Variants in CNTN5 observed in about 807,000 individuals in gnomAD.
The protein encoded by CNTN5 is contactin-5.
In CNTN5, 77 loss-of-function variants were observed where a neutral mutation model predicts 129.1. The ratio of observed to expected loss-of-function variants is 0.60; its 90% CI spans 0.50 to 0.72. The LOEUF (loss-of-function observed/expected upper bound fraction) is 0.72, where lower values mean the gene tolerates loss of function less well. CNTN5 is among the 30% of genes least tolerant of loss of function. CNTN5 has a pLI of 0.00. For synonymous variants in CNTN5, 509 were observed against 465.6 expected (o/e 1.09, Z -1.20); for missense variants, 1,478 against 1,328.8 (o/e 1.11, Z -1.75).
intron 13 of CNTN5, among the ~76,000 whole-genome samples, chr11:100,111,329 G>T (rs1053694673): frequency 6.6e-6 from 1 of 152,104 alleles, no homozygotes; most frequent in African/African-American, 2.4e-5. Flanking sequence ...TGGAATGACA[G>T]AGAGTCTGAA....
At chr11:99,654,567 A>G (rs534332946) in intron 3 of CNTN5, among the ~76,000 whole-genome samples, 1 of 152,244 alleles carries the variant, frequency 6.6e-6, no homozygotes, top group East Asian at 1.9e-4. Context: ...AGATTTTCTG[A>G]TCTACATCTA....
intron 1 of CNTN5, among the ~76,000 whole-genome samples, chr11:99,262,041 A>G (rs1862654954): frequency 6.6e-6 from 1 of 152,064 alleles, no homozygotes; most frequent in South Asian, 2.1e-4. Flanking sequence ...CCATATGCTT[A>G]AACCATACTG....
chr11:99,434,589 C>G (rs906597458), intron 2 of CNTN5, among the ~76,000 whole-genome samples: 2 of 152,220 alleles, frequency 1.3e-5, no homozygotes, highest in South Asian at 4.1e-4. Context: ...CAATAACATA[C>G]GGCAAGTTTA....
chr11:99,075,943 T>A (rs1428420859), intron 1 of CNTN5, among the ~76,000 whole-genome samples: 3 of 152,232 alleles, frequency 2.0e-5, no homozygotes, highest in Non-Finnish European at 4.4e-5. Context: ...ATAATATCAT[T>A]TAAAATTAAG....
intron 2 of CNTN5, among the ~76,000 whole-genome samples, chr11:99,337,159 C>T (rs1294031286): frequency 6.6e-6 from 1 of 152,102 alleles, no homozygotes; most frequent in Non-Finnish European, 1.5e-5. Flanking sequence ...TGAAGATAAG[C>T]ATAATCTTAG....
At chr11:99,536,099 A>G (rs750233014) in intron 2 of CNTN5, among the ~76,000 whole-genome samples, 1 of 152,206 alleles carries the variant, frequency 6.6e-6, no homozygotes, top group Non-Finnish European at 1.5e-5. Context: ...TAATAGGTAA[A>G]TATTAACTGA....
chr11:99,777,969 T>A (rs1269826032), intron 3 of CNTN5, among the ~76,000 whole-genome samples: 1 of 151,862 alleles, frequency 6.6e-6, no homozygotes, highest in East Asian at 1.9e-4. Flanking sequence ...TCTGTGATAT[T>A]GTTTAACAGC....
chr11:99,843,967 TATC>T (rs1413955008), intron 4 of CNTN5, among the ~76,000 whole-genome samples: 3 of 152,234 alleles, frequency 2.0e-5, no homozygotes, highest in Admixed American at 2.0e-4. Flanking sequence ...TAACTTGTAT[TATC>T]CTCTGTACAT....
chr11:99,117,931 G>A (rs1366947712), intron 1 of CNTN5, among the ~76,000 whole-genome samples: 1 of 152,178 alleles, frequency 6.6e-6, no homozygotes, highest in East Asian at 1.9e-4. Flanking sequence ...CATGCTATTT[G>A]TTATAGCAGC....
chr11:100,022,291 G>A (rs1454712321), intron 9 of CNTN5, among the ~76,000 whole-genome samples: 1 of 152,114 alleles, frequency 6.6e-6, no homozygotes, highest in Non-Finnish European at 1.5e-5. Flanking sequence ...GTATGTAGTT[G>A]GGTCTTACTT....
intron 1 of CNTN5, among the ~76,000 whole-genome samples, chr11:99,166,353 A>G (rs1860864924): frequency 1.4e-5 from 2 of 147,146 alleles, no homozygotes; most frequent in Middle Eastern, 3.6e-3. Context: ...GTGAGCCAAG[A>G]TTGCGCCATT....
chr11:99,770,013 C>T lies in CNTN5; in HGVS notation c.56-49531C>T, dbSNP rs188663087. Among the ~76,000 whole-genome samples the T allele has an allele frequency of 1.2e-4, 18 of 152,146 alleles. No homozygotes were observed. The East Asian group carries it at 3.1e-3, about 26-fold the overall frequency. ...TATTTTCTAAAGGAAATCACAATATCAGTATCACTACCTAAAATCTATTTA... is the reference window on the plus strand; with the variant it reads ...TATTTTCTAAAGGAAATCACAATATTAGTATCACTACCTAAAATCTATTTA... On this transcript the variant is annotated intron_variant, in intron 3 of 24. Transcript: ENST00000524871.
intron 1 of CNTN5, among the ~76,000 whole-genome samples, chr11:99,267,152 G>C (rs1420832355): frequency 1.3e-5 from 2 of 152,000 alleles, no homozygotes; most frequent in African/African-American, 4.8e-5. Flanking sequence ...GCTAGACAAG[G>C]ATAGAAATAA....
intron 1 of CNTN5, among the ~76,000 whole-genome samples, chr11:99,057,356 T>C (rs1157546478): frequency 6.6e-6 from 1 of 152,088 alleles, no homozygotes; most frequent in East Asian, 1.9e-4. Context: ...TATTAAAAGT[T>C]TGGCCTTATA....
At chr11:99,156,977 G>A (rs1348494526) in intron 1 of CNTN5, among the ~76,000 whole-genome samples, 1 of 152,036 alleles carries the variant, frequency 6.6e-6, no homozygotes, top group Non-Finnish European at 1.5e-5. Context: ...AACGGTAATG[G>A]TGAAAAGTTA....
At chr11:100,220,170 G>T (rs532789505) in intron 15 of CNTN5, among the ~76,000 whole-genome samples, 2 of 151,926 alleles carry the variant, frequency 1.3e-5, no homozygotes, top group Admixed American at 6.6e-5. Context: ...CCAGCTACTC[G>T]GGAGGCTAAG....
chr11:99,476,261 A>T (rs1014071721), intron 2 of CNTN5, among the ~76,000 whole-genome samples: 3 of 152,098 alleles, frequency 2.0e-5, no homozygotes, highest in African/African-American at 4.8e-5. Flanking sequence ...GTGTTTATCA[A>T]TCTATTAATA....
chr11:99,430,628 T>C (rs1321337142), intron 2 of CNTN5, among the ~76,000 whole-genome samples: 4 of 151,478 alleles, frequency 2.6e-5, no homozygotes, highest in African/African-American at 9.7e-5. Flanking sequence ...TATACACACA[T>C]GGAGAGAGAG....
chr11:100,257,376 G>A (rs531398897), intron 17 of CNTN5, among the ~76,000 whole-genome samples: 17 of 152,260 alleles, frequency 1.1e-4, no homozygotes, highest in Admixed American at 8.5e-4. Context: ...AGACTTAAAC[G>A]TTCCCGCCTG....
Sources: allele counts gnomAD v4.1 joint callset (sites outside exome capture counted in the v4.1 genomes callset), GRCh38; gene constraint gnomAD v4.1.1; transcripts MANE v1.5; gene names NCBI Gene and HGNC (gene_info 2026-07-23, HGNC 2026-07-21).